Variants in RGS7 observed in about 807,000 individuals in gnomAD.
RGS7 encodes the protein regulator of G protein signaling 7.
Under a neutral mutation model 81.1 loss-of-function variants are expected in RGS7, and 27 were observed. The observed-to-expected ratio is 0.33, with a 90% CI of 0.25 to 0.46. RGS7 has a LOEUF of 0.46. RGS7 is among the 20% of genes least tolerant of loss of function. RGS7 has a pLI of 1.00. For synonymous variants in RGS7, 208 were observed against 207.7 expected (o/e 1.00, Z -0.01); for missense variants, 396 against 607.4 (o/e 0.65, Z 3.66).
At chr1:241,259,667 A>AAAAAAAAAAAAAAAAAAAATAT in intron 2 of RGS7, among the ~76,000 whole-genome samples, 17 of 49,138 alleles carry the variant, frequency 3.5e-4, no homozygotes, top group African/African-American at 4.0e-4. Context: ...AAAAAAAAAA[A>AAAAAAAAAAAAAAAAAAAATAT]ATATATATAT....
intron 2 of RGS7, among the ~76,000 whole-genome samples, chr1:241,154,801 C>A (rs963615306): frequency 2.0e-5 from 3 of 152,172 alleles, no homozygotes; most frequent in Admixed American, 6.5e-5. Context: ...GGCTGACTTT[C>A]ACTGTCAGTG....
At chr1:241,246,764 A>G (rs1289669740) in intron 2 of RGS7, among the ~76,000 whole-genome samples, 2 of 151,826 alleles carry the variant, frequency 1.3e-5, no homozygotes. Context: ...TTTTTTTTCT[A>G]TTATTGAACA....
intron 4 of RGS7, among the ~76,000 whole-genome samples, chr1:240,938,328 C>A (rs1676984285): frequency 6.6e-6 from 1 of 152,136 alleles, no homozygotes; most frequent in South Asian, 2.1e-4. Flanking sequence ...ATGTATAATT[C>A]ATTTATAAAT....
At chr1:240,887,277 G>A (rs1276873209) in intron 6 of RGS7, among the ~76,000 whole-genome samples, 7 of 139,112 alleles carry the variant, frequency 5.0e-5, no homozygotes, top group African/African-American at 1.1e-4. Flanking sequence ...TGCCCAGGCC[G>A]GAGTGCAGTG....
At chr1:241,281,845 A>G (rs1451383145) in intron 2 of RGS7, among the ~76,000 whole-genome samples, 2 of 152,228 alleles carry the variant, frequency 1.3e-5, no homozygotes, top group Non-Finnish European at 2.9e-5. Flanking sequence ...CAGCTTGGCA[A>G]GAATTGACAT....
chr1:240,922,992 T>C (rs1673833734), intron 6 of RGS7, among the ~76,000 whole-genome samples: 1 of 152,120 alleles, frequency 6.6e-6, no homozygotes, highest in African/African-American at 2.4e-5. Flanking sequence ...AACTATGGTA[T>C]ATTCATAAAA....
At chr1:240,903,189 T>C (rs1040214892) in intron 6 of RGS7, among the ~76,000 whole-genome samples, 3 of 152,076 alleles carry the variant, frequency 2.0e-5, no homozygotes, top group Non-Finnish European at 2.9e-5. Context: ...AGGAAACAAA[T>C]ATATCAAAGT....
rs150638255 is a variant in RGS7 at position 241,059,618 on chromosome 1, A to AG, written c.175+39047dup. ...ATGAACTATATGTTTGGCTATAGGA[A>AG]GGGGGTGTAAAGACCCAGGAAGCCC... On this transcript the variant is annotated intron_variant, in intron 3 of 18. Transcript: ENST00000440928. 1.1e-3 allele frequency among the ~76,000 whole-genome samples: 167 copies of AG among 152,244 alleles called. 1 individual carries two copies. The highest frequency in any genetic ancestry group is 3.7e-3 in the African/African-American group (154 of 41,542).
intron 2 of RGS7, among the ~76,000 whole-genome samples, chr1:241,236,173 C>G (rs944631746): frequency 6.7e-6 from 1 of 149,378 alleles, no homozygotes; most frequent in Non-Finnish European, 1.5e-5. Flanking sequence ...GACCTCCGCC[C>G]CCCATATTTT....
chr1:241,040,545 AGGCT>A (rs2060563043), intron 3 of RGS7, among the ~76,000 whole-genome samples: 1 of 152,010 alleles, frequency 6.6e-6, no homozygotes, highest in East Asian at 1.9e-4. Context: ...CTTGTTGCCC[AGGCT>A]GGAGTGCAGT....
rs1238608781 is a variant in RGS7, at chr1:240,948,442, TTTTA to T, written c.227-11740_227-11737del. On this transcript the variant is annotated intron_variant, in intron 4 of 18. Transcript: ENST00000440928. ...CGCACATATTTTTTAAGTGTTGCTA[TTTTA>T]TTTATTTATTTATTTTTTTGAGACG... 3.9e-5 allele frequency among the ~76,000 whole-genome samples: 6 copies of T among 152,216 alleles called. No homozygotes were observed. The South Asian group carries it at 8.3e-4, about 21-fold the overall frequency.
At chr1:241,176,951 C>T (rs866682883) in intron 2 of RGS7, among the ~76,000 whole-genome samples, 1 of 152,074 alleles carries the variant, frequency 6.6e-6, no homozygotes, top group African/African-American at 2.4e-5. Flanking sequence ...ACCGTCTCAC[C>T]AAAGTGAAAA....
chr1:240,779,855 T>C (rs541334315), intron 18 of RGS7, among the ~76,000 whole-genome samples: 54 of 152,328 alleles, frequency 3.5e-4, no homozygotes, highest in African/African-American at 1.1e-3. Context: ...CTCATTATAC[T>C]ATCATTATAA....
chr1:240,835,593 A>G (rs1007462482), intron 9 of RGS7, among the ~76,000 whole-genome samples: 1 of 152,172 alleles, frequency 6.6e-6, no homozygotes, highest in African/African-American at 2.4e-5. Flanking sequence ...CATTTACCCA[A>G]ATTGAGTCGA....
intron 6 of RGS7, among the ~76,000 whole-genome samples, chr1:240,930,265 T>C (rs1675196876): frequency 6.6e-6 from 1 of 150,830 alleles, no homozygotes; most frequent in Non-Finnish European, 1.5e-5. Flanking sequence ...TCTTCATGTT[T>C]AACACAACCC....
intron 2 of RGS7, among the ~76,000 whole-genome samples, chr1:241,213,544 A>G (rs542494597): frequency 6.6e-6 from 1 of 152,256 alleles, no homozygotes; most frequent in South Asian, 2.1e-4. Flanking sequence ...TTTAGTCGTT[A>G]CCCTAGTGAC....
intron 3 of RGS7, among the ~76,000 whole-genome samples, chr1:241,012,228 C>T (rs915780194): frequency 6.6e-6 from 1 of 152,086 alleles, no homozygotes; most frequent in African/African-American, 2.4e-5. Context: ...GAGGGCAACA[C>T]GCAGATACAC....
intron 2 of RGS7, among the ~76,000 whole-genome samples, chr1:241,261,929 A>G (rs2077356143): frequency 6.6e-6 from 1 of 152,204 alleles, no homozygotes; most frequent in Admixed American, 6.5e-5. Context: ...ATAATAATAA[A>G]TATGTATTAC....
chr1:240,960,160 CA>C (rs112575284), intron 4 of RGS7, among the ~76,000 whole-genome samples: 1,395 of 131,580 alleles, frequency 0.011, 17 homozygotes, highest in African/African-American at 0.03. Flanking sequence ...CCCCCAACAC[CA>C]AAAAAAAAAA....
Sources: allele counts gnomAD v4.1 joint callset (sites outside exome capture counted in the v4.1 genomes callset), GRCh38; gene constraint gnomAD v4.1.1; transcripts MANE v1.5; gene names NCBI Gene and HGNC (gene_info 2026-07-23, HGNC 2026-07-21).